CSMD1: variants seen among roughly 807,000 people sequenced by gnomAD.
CSMD1 encodes the protein CUB and Sushi multiple domains 1, also known as CUB and sushi domain-containing protein 1.
CSMD1 carries 213 observed loss-of-function variants against 417.5 expected under a neutral mutation model. That is an observed-to-expected ratio of 0.51 (90% confidence interval 0.46 to 0.57). CSMD1 has a LOEUF of 0.57. Ranked by LOEUF, CSMD1 falls within the 20% of genes least tolerant of loss-of-function variation. The pLI, the probability that CSMD1 is intolerant of heterozygous loss-of-function variation, is 0.00. For missense variants in CSMD1, 6,923 were observed against 4,529.7 expected (o/e 1.53, Z -15.17); for synonymous variants, 2,862 against 1,736.8 (o/e 1.65, Z -16.11).
chr8:3,587,571 T>A (rs2117007174), intron 8 of CSMD1, among the ~76,000 whole-genome samples: 1 of 152,150 alleles, frequency 6.6e-6, no homozygotes, highest in East Asian at 1.9e-4. Flanking sequence ...AATATCAGAG[T>A]GAATATCATT....
intron 7 of CSMD1, among the ~76,000 whole-genome samples, chr8:3,652,861 G>C (rs143865308): frequency 2.0e-5 from 3 of 152,344 alleles, no homozygotes; most frequent in African/African-American, 7.2e-5. Flanking sequence ...ACCTAGAACA[G>C]AGGGTGCACA....
chr8:3,803,997 G>T (rs766927596), intron 5 of CSMD1, among the ~76,000 whole-genome samples: 2 of 151,938 alleles, frequency 1.3e-5, no homozygotes, highest in Non-Finnish European at 2.9e-5. Flanking sequence ...GCGTGATCTC[G>T]GCTCACTGCA....
At chr8:4,180,044 G>T (rs1295697927) in intron 3 of CSMD1, among the ~76,000 whole-genome samples, 1 of 152,032 alleles carries the variant, frequency 6.6e-6, no homozygotes, top group Admixed American at 6.6e-5. Context: ...CCTAGAACTG[G>T]AAATACCATT....
chr8:4,236,244 T>C (rs1802052004), intron 3 of CSMD1, among the ~76,000 whole-genome samples: 2 of 151,972 alleles, frequency 1.3e-5, no homozygotes, highest in African/African-American at 4.8e-5. Flanking sequence ...TCACCTACCT[T>C]CCTGAGGGGC....
intron 5 of CSMD1, among the ~76,000 whole-genome samples, chr8:3,930,918 T>C (rs1810093689): frequency 6.6e-6 from 1 of 150,534 alleles, no homozygotes; most frequent in Non-Finnish European, 1.5e-5. Context: ...TAATTTACAA[T>C]GGTTCAATTG....
intron 10 of CSMD1, among the ~76,000 whole-genome samples, chr8:3,504,230 TATTA>T (rs1440943817): frequency 2.1e-5 from 3 of 143,000 alleles, no homozygotes; most frequent in East Asian, 4.2e-4. Context: ...AATTATTATG[TATTA>T]ATTAACAATT....
At chr8:4,841,930 A>AAAGAAAAAAAAAAACAAAAC (rs1800864428) in intron 1 of CSMD1, among the ~76,000 whole-genome samples, 1 of 122,426 alleles carries the variant, frequency 8.2e-6, no homozygotes, top group African/African-American at 3.3e-5. Flanking sequence ...AAAAAAAAAA[A>AAAGAAAAAAAAAAACAAAAC]AAAAAAAAGT....
At chr8:4,129,816 A>C (rs1802988166) in intron 3 of CSMD1, among the ~76,000 whole-genome samples, 1 of 152,102 alleles carries the variant, frequency 6.6e-6, no homozygotes, top group Non-Finnish European at 1.5e-5. Context: ...TTATTTTCTA[A>C]GTTGTCTCTG....
At chr8:3,477,366 C>G (rs771380502) in intron 11 of CSMD1, among the ~76,000 whole-genome samples, 44 of 152,168 alleles carry the variant, frequency 2.9e-4, no homozygotes, top group Non-Finnish European at 6.0e-4. Flanking sequence ...GCTTTGTAGT[C>G]TTTATGTTCC....
At chr8:3,829,859 G>A (rs778818383) in intron 5 of CSMD1, among the ~76,000 whole-genome samples, 10 of 151,950 alleles carry the variant, frequency 6.6e-5, no homozygotes, top group African/African-American at 1.5e-4. Flanking sequence ...ATATTAATCC[G>A]CTTAGAAAAC....
At chr8:4,174,553 T>G (rs570139470) in intron 3 of CSMD1, among the ~76,000 whole-genome samples, 14 of 150,948 alleles carry the variant, frequency 9.3e-5, no homozygotes, top group Admixed American at 7.9e-4. Flanking sequence ...AAAGAGATGT[T>G]TTTATAAATA....
chr8:3,913,219 G>C lies in CSMD1; in HGVS notation c.818+84684C>G, dbSNP rs76128969. 8.6e-3 allele frequency among the ~76,000 whole-genome samples: 1,317 copies of C among 152,256 alleles called. 23 individuals are homozygous for C. Among genetic ancestry groups the C allele is most frequent in the African/African-American group, 0.029 (1,223 of 41,522 alleles). ...TGGTTGGAGGTCAGAACAGATATCA[G>C]GGTTGGAATAAACATTCAGGAATCC... On this transcript the variant is annotated intron_variant, in intron 5 of 69. Transcript: ENST00000635120.
At chr8:4,660,926 C>A (rs969546616) in intron 1 of CSMD1, among the ~76,000 whole-genome samples, 1 of 152,146 alleles carries the variant, frequency 6.6e-6, no homozygotes, top group Non-Finnish European at 1.5e-5. Context: ...TATCACTTCA[C>A]ACTTACAATA....
intron 5 of CSMD1, among the ~76,000 whole-genome samples, chr8:3,804,573 A>AT (rs1179855980): frequency 6.6e-6 from 1 of 152,148 alleles, no homozygotes; most frequent in Non-Finnish European, 1.5e-5. Context: ...CACAGGTCCA[A>AT]TTTTTTCTTT....
intron 6 of CSMD1, among the ~76,000 whole-genome samples, chr8:3,729,735 G>T (rs898305648): frequency 1.3e-5 from 2 of 151,894 alleles, no homozygotes; most frequent in Non-Finnish European, 2.9e-5. Context: ...AAGCTCAGAG[G>T]ATTTTAAAAG....
At chr8:4,756,620 A>G (rs193154703) in intron 1 of CSMD1, among the ~76,000 whole-genome samples, 246 of 152,318 alleles carry the variant, frequency 1.6e-3, no homozygotes, top group South Asian at 6.8e-3. Context: ...TTGGCTCACT[A>G]ATTGTCTCAC....
At chr8:3,868,818 C>T (rs1165461240) in intron 5 of CSMD1, among the ~76,000 whole-genome samples, 2 of 152,192 alleles carry the variant, frequency 1.3e-5, no homozygotes, top group Non-Finnish European at 2.9e-5. Context: ...AGTCGTGTTT[C>T]ATGGCCAATG....
intron 3 of CSMD1, among the ~76,000 whole-genome samples, chr8:4,391,338 C>G (rs750002190): frequency 1.3e-5 from 2 of 152,298 alleles, no homozygotes; most frequent in Middle Eastern, 3.4e-3. Flanking sequence ...CATCCCTTGA[C>G]TGAGCTGAGC....
At chr8:3,260,113 T>C (rs1293906563) in intron 26 of CSMD1, among the ~76,000 whole-genome samples, 6 of 152,332 alleles carry the variant, frequency 3.9e-5, no homozygotes, top group East Asian at 3.9e-4. Flanking sequence ...TGCATGTATA[T>C]GGCATTTCCC....
Sources: allele counts gnomAD v4.1 joint callset (sites outside exome capture counted in the v4.1 genomes callset), GRCh38; gene constraint gnomAD v4.1.1; transcripts MANE v1.5; gene names NCBI Gene and HGNC (gene_info 2026-07-23, HGNC 2026-07-21).